Variants in PAXIP1 observed in about 807,000 individuals in gnomAD.
PAXIP1 encodes PAX interacting protein 1, also known as PAX-interacting protein 1.
PAXIP1 carries 19 observed loss-of-function variants against 140.6 expected under a neutral mutation model. That is an observed-to-expected ratio of 0.14 (90% CI 0.09 to 0.20). The LOEUF is 0.20. Ranked by LOEUF, PAXIP1 falls within the 10% of genes least tolerant of loss-of-function variation. The pLI, the probability that PAXIP1 is intolerant of heterozygous loss-of-function variation, is 1.00. For missense variants in PAXIP1, 920 were observed against 1,208.6 expected (o/e 0.76, Z 3.54); for synonymous variants, 442 against 444.6 (o/e 0.99, Z 0.07).
rs895172802 is a variant in PAXIP1 at position 154,967,829 on chromosome 7, G to A, written c.1880C>T (p.Ala627Val). ...GCACAATCTCACCCTTTTCCAGGTG[G>A]CCAGCAGTTGCTTATCAGACATCTG... is the stretch of plus-strand genomic sequence containing the variant. ...PEQMSDKQLL[A>V]TWKRIIQAHG... is the part of the protein sequence containing the mutation. Residue 627 changes from alanine (A) to valine (V), a missense_variant, in exon 8 of 21, where the codon GCC (alanine) becomes GTC (valine). By Grantham distance (64) the Ala-to-Val change is moderately conservative. Coordinates refer to ENST00000404141, the MANE Select transcript of PAXIP1 (RefSeq NM_007349.4). 1.1e-5 allele frequency: 17 copies of A among 1,611,250 alleles called. No individual in the cohort carries two copies. The highest frequency in any genetic ancestry group is 1.4e-5 in the Non-Finnish European group (17 of 1,177,448).
chr7:154,958,313 A>C (rs986923844), intron 13 of PAXIP1, among the ~76,000 whole-genome samples: 1 of 152,234 alleles, frequency 6.6e-6, no homozygotes, highest in Non-Finnish European at 1.5e-5. Flanking sequence ...CTCCTCCTTC[A>C]TAGTTTCAAC....
chr7:154,951,475 A>T (rs775264823), intron 16 of PAXIP1: 1 of 152,220 alleles, frequency 6.6e-6, no homozygotes, highest in Non-Finnish European at 1.5e-5. Context: ...TGCCCTAAAA[A>T]TTGTCTATTT....
intron 13 of PAXIP1, among the ~76,000 whole-genome samples, chr7:154,957,892 G>C (rs1388222891): frequency 1.3e-5 from 2 of 150,574 alleles, no homozygotes; most frequent in Non-Finnish European, 1.5e-5. Context: ...GCGTGAACCC[G>C]GGAAGCGGAG....
At position 154,967,615 on chromosome 7, in the gene PAXIP1, C is replaced by T. The variant is rs1270629414; in HGVS notation, c.1893+201G>A. On this transcript the variant is annotated intron_variant, in intron 8 of 20. Transcript: ENST00000404141. Reference sequence around the variant, plus strand: ...CTGAAAAAAATAAAAAGTCCACCATCTTCATCTAACAGCTGAGAAAACTGA... The same window carrying T: ...CTGAAAAAAATAAAAAGTCCACCATTTTCATCTAACAGCTGAGAAAACTGA... 9.2e-6 allele frequency: 5 copies of T among 542,254 alleles called. No individual in the cohort carries two copies. In the Admixed American group the frequency reaches 1.8e-4, roughly 19 times the overall value. 33.6% of individuals were successfully genotyped at this position (542,254 alleles called of 1,614,324 possible). A position where few individuals can be genotyped will look rare whatever the true frequency, so the allele number is the denominator to read the frequency against.
In PAXIP1 at chr7:154,975,515, TATACAC is replaced by T. The variant is rs1050600660; in HGVS notation, c.1074+175_1074+180del. ...TTTCAATGACCCTGAAATATACATA[TATACAC>T]ATACACACACACACACACACACACA... On this transcript the variant is annotated intron_variant, in intron 6 of 20. Coordinates refer to ENST00000404141, the MANE Select transcript of PAXIP1 (RefSeq NM_007349.4). 1.8e-4 allele frequency among the ~76,000 whole-genome samples: 15 copies of T among 84,350 alleles called. No homozygotes were observed. The South Asian group carries it at 6.7e-3, about 38-fold the overall frequency. 55.3% of individuals were successfully genotyped at this position (84,350 alleles called of 152,430 possible). A position where few individuals can be genotyped will look rare whatever the true frequency, so the allele number is the denominator to read the frequency against.
rs1039955623 is a variant in PAXIP1, at chr7:154,969,004, G to A, written c.1197C>T (p.His399=). The change falls in exon 7 of 21, where the codon CAC becomes CAT. Residue 399 remains histidine, a synonymous_variant. Transcript: ENST00000404141. ...GGGCCTGCTGCTGCTGCTGTAGCAT[G>A]TGTGTCTCTGGAGTCACTTTCACTT... ...FSQVKVTPET[H]MLQQQQQAQQ... 6.4e-6 allele frequency: 10 copies of A among 1,550,814 alleles called. No homozygotes were observed. The highest frequency in any genetic ancestry group is 1.4e-5 in the African/African-American group (1 of 73,038).
At chr7:154,989,687 T>C (rs1392539802) in intron 4 of PAXIP1, among the ~76,000 whole-genome samples, 4 of 152,220 alleles carry the variant, frequency 2.6e-5, no homozygotes, top group Admixed American at 6.5e-5. Flanking sequence ...CAAAATACAA[T>C]ACAAAAATAT....
intron 6 of PAXIP1, chr7:154,974,647 A>C (rs1368814655): frequency 6.6e-6 from 1 of 152,084 alleles, no homozygotes; most frequent in Non-Finnish European, 1.5e-5. Flanking sequence ...TTCACCTGCT[A>C]TTACGGGACC....
At chr7:154,960,786 T>G in intron 12 of PAXIP1, 107 bp downstream of exon 12, 1 of 736,362 alleles carries the variant, frequency 1.4e-6, no homozygotes, top group Non-Finnish European at 2.1e-6. Flanking sequence ...AAAAACTAAT[T>G]AGAAAGCTCA....
In PAXIP1 at chr7:154,975,685, G is replaced by A. The variant is rs758608261; in HGVS notation, c.1074+11C>T. On this transcript the variant is annotated intron_variant, in intron 6 of 20. Transcript: ENST00000404141. ...CCAATACTGACATTTTTTTCGGAAA[G>A]AGTGACTTACATGTGCTACATTTGA... 10 of 1,556,526 alleles carry A rather than the reference G, an allele frequency of 6.4e-6. No individual in the cohort carries two copies. Among genetic ancestry groups the A allele is most frequent in the Non-Finnish European group, 7.9e-6 (9 of 1,135,850 alleles).
chr7:154,950,233 T>C (rs1458734889), intron 16 of PAXIP1: 1 of 152,022 alleles, frequency 6.6e-6, no homozygotes, highest in East Asian at 1.9e-4. Context: ...CCATATGCAA[T>C]AAAAGGAAGC....
rs534328906 is a variant in PAXIP1, at chr7:154,963,558, T to A, written c.1989+113A>T. 1 of 675,766 alleles carries A rather than the reference T, an allele frequency of 1.5e-6. No individual in the cohort carries two copies. The highest frequency in any genetic ancestry group is 2.8e-5 in the East Asian group (1 of 36,290). The allele number at this position is 675,766 out of a possible 1,614,324, so 41.9% of individuals were successfully genotyped here. A position where few individuals can be genotyped will look rare whatever the true frequency, so the allele number is the denominator to read the frequency against. On this transcript the variant is annotated intron_variant, in intron 9 of 20. Transcript: ENST00000404141. This position sits in a 1 kb window ranked among gnomAD's most constrained non-coding sequence, Gnocchi z 4.1. ...ATCACAGGAAGAAGGAATTTTCCTA[T>A]CTTTAGAGGTAGAAAAAAGTTCTTT...
At chr7:154,949,706 C>G (rs1808182551) in intron 16 of PAXIP1, 1 of 152,140 alleles carries the variant, frequency 6.6e-6, no homozygotes, top group Non-Finnish European at 1.5e-5. Context: ...TCAAGACCAG[C>G]CTGGCCAACA....
intron 12 of PAXIP1, among the ~76,000 whole-genome samples, 163 bp downstream of exon 12, chr7:154,960,730 T>G (rs1808721967): frequency 6.7e-6 from 1 of 149,558 alleles, no homozygotes; most frequent in Admixed American, 6.7e-5. Context: ...CTGGGCAGAG[T>G]GGGGAGAAAG....
At chr7:154,961,818 T>C (rs1011484650) in intron 10 of PAXIP1, among the ~76,000 whole-genome samples, 170 bp from the exon 11 acceptor site, 1 of 152,238 alleles carries the variant, frequency 6.6e-6, no homozygotes, top group East Asian at 1.9e-4. Flanking sequence ...ACTGTATTAA[T>C]GGTCAAAAGG....
At chr7:154,964,037 G>A (rs960785948) in intron 8 of PAXIP1, 7 of 389,794 alleles carry the variant, frequency 1.8e-5, no homozygotes, top group African/African-American at 1.4e-4. Context: ...CAAGCTCAAT[G>A]TAACTGCCAC....
chr7:154,990,037 C>CTTTTTTT (rs749788206), intron 4 of PAXIP1, among the ~76,000 whole-genome samples: 8 of 109,924 alleles, frequency 7.3e-5, no homozygotes, highest in Non-Finnish European at 1.3e-4. Context: ...ATAAGTTTCT[C>CTTTTTTT]TTTTTTTTTT....
chr7:154,945,547 C>T (rs1463535510), intron 20 of PAXIP1: 3 of 985,296 alleles, frequency 3.0e-6, no homozygotes, highest in Non-Finnish European at 3.6e-6. Flanking sequence ...ACACAAAATT[C>T]CCCTGCTTAA....
Position 154,954,864 on chromosome 7 carries a change from A to T in PAXIP1, c.2653-441T>A, listed in dbSNP as rs1263576512. ...TAAGACTTGAGCATATAAAAAAGCG[A>T]GCTCCTAATAACTATCCTCACATTT... On this transcript the variant is annotated intron_variant, in intron 15 of 20. Coordinates refer to ENST00000404141, the MANE Select transcript of PAXIP1 (RefSeq NM_007349.4). The surrounding 1 kb of genome is among the most constrained non-coding windows in gnomAD (Gnocchi z 5.1). Among the ~76,000 whole-genome samples the T allele has an allele frequency of 6.6e-6, 1 of 152,176 alleles. No individual in the cohort carries two copies. The highest frequency in any genetic ancestry group is 1.5e-5 in the Non-Finnish European group (1 of 68,034).
Sources: allele counts gnomAD v4.1 joint callset (sites outside exome capture counted in the v4.1 genomes callset), GRCh38; gene constraint gnomAD v4.1.1; non-coding constraint Gnocchi (gnomAD v3.1); transcripts MANE v1.5; gene names NCBI Gene and HGNC (gene_info 2026-07-23, HGNC 2026-07-21).